Variants in SV2C observed in about 807,000 individuals in gnomAD.
The protein encoded by SV2C is synaptic vesicle glycoprotein 2C.
Under a neutral mutation model 79.7 loss-of-function variants are expected in SV2C, and 49 were observed. That is an observed-to-expected ratio of 0.61 (90% confidence interval 0.49 to 0.78). The LOEUF is 0.78. Ranked by LOEUF, SV2C falls within the 30% of genes least tolerant of loss-of-function variation. The pLI is 0.00. For synonymous variants in SV2C, 334 were observed against 333.2 expected, an observed-to-expected ratio of 1.00 and a Z score of -0.03; for missense variants, 833 against 912.9, an observed-to-expected ratio of 0.91 and a Z score of 1.13.
chr5:75,929,044 G>A, the SV2C span, among the ~76,000 whole-genome samples: 1 of 152,010 alleles, frequency 6.6e-6, no homozygotes, highest in Non-Finnish European at 1.5e-5. Flanking sequence ...TTATGGCTAG[G>A]TTTCAAATTC....
chr5:75,970,620 C>T, the SV2C span, among the ~76,000 whole-genome samples: 2 of 152,052 alleles, frequency 1.3e-5, no homozygotes, highest in African/African-American at 4.8e-5. Flanking sequence ...CAAGACTAAA[C>T]GAGGAAGAAG....
intron 12 of SV2C, among the ~76,000 whole-genome samples, chr5:76,316,373 A>C (rs1157091517): frequency 6.6e-6 from 1 of 152,158 alleles, no homozygotes; most frequent in Non-Finnish European, 1.5e-5. Context: ...AAAAATACTA[A>C]TGCTTGGGCC....
chr5:75,896,413 A>G, the SV2C span, among the ~76,000 whole-genome samples: 17 of 150,648 alleles, frequency 1.1e-4, no homozygotes, highest in Non-Finnish European at 2.2e-4. Context: ...TTATGGCTGC[A>G]TAGTATTCCA....
At chr5:76,126,816 G>A (rs930434091) in intron 1 of SV2C, among the ~76,000 whole-genome samples, 2 of 152,210 alleles carry the variant, frequency 1.3e-5, no homozygotes, top group Admixed American at 1.3e-4. Flanking sequence ...CGTGGCAGAT[G>A]TAGTGGGTAT....
chr5:76,035,172 A>G, the SV2C span, among the ~76,000 whole-genome samples: 1 of 148,602 alleles, frequency 6.7e-6, no homozygotes, highest in Non-Finnish European at 1.5e-5. Flanking sequence ...CGGTCTATCA[A>G]TTTTGTTGAT....
chr5:76,339,074 A>C (rs1353986518), intron 12 of SV2C, among the ~76,000 whole-genome samples: 1 of 152,192 alleles, frequency 6.6e-6, no homozygotes, highest in Non-Finnish European at 1.5e-5. Flanking sequence ...GAGCAGGGTC[A>C]CCTCAAGGTT....
chr5:76,163,482 A>G (rs986065484), intron 2 of SV2C, among the ~76,000 whole-genome samples: 1 of 152,192 alleles, frequency 6.6e-6, no homozygotes, highest in African/African-American at 2.4e-5. Context: ...GATTTTTCCC[A>G]TGAACCAGAG....
the SV2C span, among the ~76,000 whole-genome samples, chr5:75,984,520 G>A: frequency 6.7e-6 from 1 of 149,744 alleles, no homozygotes; most frequent in Admixed American, 6.6e-5. Context: ...TCCATGAGAA[G>A]TAAGAGATCT....
chr5:75,960,774 T>G, the SV2C span, among the ~76,000 whole-genome samples: 1 of 152,006 alleles, frequency 6.6e-6, no homozygotes, highest in Non-Finnish European at 1.5e-5. Context: ...GCTTTGTTAT[T>G]GATTGTATTT....
chr5:75,973,256 C>T, the SV2C span, among the ~76,000 whole-genome samples: 1 of 151,938 alleles, frequency 6.6e-6, no homozygotes, highest in African/African-American at 2.4e-5. Context: ...AGTACACCAA[C>T]ATGGCACATG....
At chr5:76,256,097 G>C (rs1746256867) in intron 4 of SV2C, among the ~76,000 whole-genome samples, 1 of 152,120 alleles carries the variant, frequency 6.6e-6, no homozygotes, top group South Asian at 2.1e-4. Context: ...CTTGACCCTT[G>C]GGTTCTTAAG....
At chr5:75,957,057 T>TCCTCATTC in the SV2C span, among the ~76,000 whole-genome samples, 1 of 151,974 alleles carries the variant, frequency 6.6e-6, no homozygotes, top group African/African-American at 2.4e-5. Context: ...CTCCGTCATT[T>TCCTCATTC]CCTCATTCCC....
chr5:75,941,680 G>C, the SV2C span, among the ~76,000 whole-genome samples: 1 of 152,168 alleles, frequency 6.6e-6, no homozygotes, highest in Non-Finnish European at 1.5e-5. Flanking sequence ...ATTGTCTTTT[G>C]TTATAATGTT....
At chr5:75,973,684 CTATA>C in the SV2C span, among the ~76,000 whole-genome samples, 4 of 151,918 alleles carry the variant, frequency 2.6e-5, no homozygotes, top group African/African-American at 7.3e-5. Flanking sequence ...TTATGACAGA[CTATA>C]TAGAAGAGTA....
intron 8 of SV2C, among the ~76,000 whole-genome samples, chr5:76,294,580 G>A (rs554937025): frequency 3.3e-4 from 51 of 152,310 alleles, no homozygotes; most frequent in African/African-American, 1.1e-3. Context: ...GATTATAGGC[G>A]TGAGCCACTG....
chr5:75,952,274 C>T, the SV2C span, among the ~76,000 whole-genome samples: 2 of 134,128 alleles, frequency 1.5e-5, no homozygotes, highest in African/African-American at 2.6e-5. Context: ...TTCCTTCCTT[C>T]CTTCCTTCCT....
chr5:76,174,270 C>T (rs1195463601), intron 2 of SV2C: 18 of 1,357,826 alleles, frequency 1.3e-5, no homozygotes, highest in Non-Finnish European at 1.9e-5. Flanking sequence ...GTGCTCCCCG[C>T]GGGTCGCTAC....
intron 12 of SV2C, among the ~76,000 whole-genome samples, chr5:76,342,015 C>A (rs937687544): frequency 1.3e-5 from 2 of 152,184 alleles, no homozygotes. Flanking sequence ...TACCCACATA[C>A]CCCAAACCCT....
chr5:76,079,849 G>C (rs998769007), upstream of SV2C: 1 of 159,386 alleles, frequency 6.3e-6, no homozygotes, highest in Non-Finnish European at 1.4e-5. Context: ...AAACAAGTCA[G>C]GCAATTGATT....
Sources: gnomAD v4.1 joint callset for allele counts (sites outside exome capture counted in the v4.1 genomes callset) on GRCh38, gnomAD v4.1.1 for gene constraint, MANE v1.5 for transcripts, NCBI Gene and HGNC (gene_info 2026-07-23, HGNC 2026-07-21) for gene names.